NR5A1: variants seen among roughly 807,000 people sequenced by gnomAD.
NR5A1 encodes the protein steroidogenic factor 1.
In NR5A1, 6 loss-of-function variants were observed where a neutral mutation model predicts 42.7. The observed-to-expected ratio is 0.14, with a 90% confidence interval of 0.08 to 0.28. The LOEUF is 0.28. NR5A1 is among the 10% of genes least tolerant of loss of function. NR5A1 has a pLI of 1.00. For missense variants in NR5A1, 442 were observed against 626.4 expected (o/e 0.71, Z 3.14); for synonymous variants, 274 against 277.5 (o/e 0.99, Z 0.12).
chr9:124,503,519 G>A lies in NR5A1; in HGVS notation c.-15-109C>T, dbSNP rs1832500930. 1.2e-6 allele frequency: 1 copy of A among 859,954 alleles called. No homozygotes were observed. Among genetic ancestry groups the A allele is most frequent in the Admixed American group, 3.6e-5 (1 of 27,698 alleles). 53.3% of individuals were successfully genotyped at this position (859,954 alleles called of 1,614,324 possible). A position where few individuals can be genotyped will look rare whatever the true frequency, so the allele number is the denominator to read the frequency against. On this transcript the variant is annotated intron_variant, in intron 1 of 6. Transcript: ENST00000373588. The surrounding 1 kb of genome is among the most constrained non-coding windows in gnomAD (Gnocchi z 9.6). ...CGGCCCGTCGCGTAATCCCCTCTCT[G>A]TGCCCAGGCGCTGCCGCCGGCACCC...
chr9:124,507,028 G>A (rs1445884101), intron 1 of NR5A1: 1 of 152,690 alleles, frequency 6.5e-6, no homozygotes, highest in Non-Finnish European at 1.5e-5. Context: ...GGACCTCCAT[G>A]GGGCTTGTGG....
rs1204157322 is a variant in NR5A1, at chr9:124,493,141, G to A, written c.879C>T (p.Asp293=). 6.2e-7 allele frequency: 1 copy of A among 1,611,074 alleles called. No individual in the cohort carries two copies. The highest frequency in any genetic ancestry group is 8.5e-7 in the Non-Finnish European group (1 of 1,178,830). ...CMVFKELEVA[D]QMTLLQNCWS... ...AGCAGTTCTGCAGCAGCGTCATCTG[G>A]TCGGCCACCTGGAAGGAAGAGGCAC... The change falls in exon 5 of 7, where the codon GAC becomes GAT. Residue 293 remains aspartate, a synonymous_variant. Coordinates refer to ENST00000373588, the MANE Select transcript of NR5A1 (RefSeq NM_004959.5).
chr9:124,489,604 G>A (rs946450507), intron 6 of NR5A1, among the ~76,000 whole-genome samples: 2 of 152,190 alleles, frequency 1.3e-5, no homozygotes, highest in African/African-American at 4.8e-5. Context: ...CCAGTCTGCT[G>A]AGCCTGGCAG....
In NR5A1 at chr9:124,487,644, G is replaced by A. The variant is rs555326493; in HGVS notation, c.1138+3437C>T. ...TGAGCCGCAGGGCGGTGGGGCAGGT[G>A]GGGGAGCACAAGCACTCGTGGCCAG... On this transcript the variant is annotated intron_variant, in intron 6 of 6. Coordinates refer to ENST00000373588, the MANE Select transcript of NR5A1 (RefSeq NM_004959.5). 9.8e-5 allele frequency among the ~76,000 whole-genome samples: 15 copies of A among 152,356 alleles called. No homozygotes were observed. In the East Asian group the frequency reaches 2.5e-3, roughly 26 times the overall value.
At chr9:124,506,718 A>C (rs1832566149) in intron 1 of NR5A1, among the ~76,000 whole-genome samples, 1 of 151,740 alleles carries the variant, frequency 6.6e-6, no homozygotes, top group African/African-American at 2.4e-5. Flanking sequence ...CGAGGCACCC[A>C]CCCCCACAGG....
chr9:124,491,017 A>ACCCCCCCCCCCC, intron 6 of NR5A1, 64 bp downstream of exon 6: 1 of 457,440 alleles, frequency 2.2e-6, no homozygotes, highest in Non-Finnish European at 4.2e-6. Context: ...CTCCAGCCTC[A>ACCCCCCCCCCCC]CCCACCCTCC....
intron 6 of NR5A1, among the ~76,000 whole-genome samples, chr9:124,488,006 G>A (rs1471609416): frequency 6.6e-6 from 1 of 152,148 alleles, no homozygotes; most frequent in Non-Finnish European, 1.5e-5. Context: ...TCAAGGCTTT[G>A]CACAGCTCAG....
rs573756418 is a variant in NR5A1 at position 124,498,273 on chromosome 9, G to C, written c.870+1817C>G. On this transcript the variant is annotated intron_variant, in intron 4 of 6. Transcript: ENST00000373588. The surrounding 1 kb of genome is among the most constrained non-coding windows in gnomAD (Gnocchi z 4.6). Reference sequence around the variant, plus strand: ...GGAAAAGAACTTCCACATGGCTTACGAGAGGCGCTCTAAGGGCTGGGCTGG... The same window carrying C: ...GGAAAAGAACTTCCACATGGCTTACCAGAGGCGCTCTAAGGGCTGGGCTGG... Among the ~76,000 whole-genome samples, 1 of 152,206 alleles carries C rather than the reference G, an allele frequency of 6.6e-6. No individual in the cohort carries two copies. Among genetic ancestry groups the C allele is most frequent in the Non-Finnish European group, 1.5e-5 (1 of 68,046 alleles).
chr9:124,482,739 C>A lies in NR5A1; in HGVS notation c.*19G>T. The A allele has an allele frequency of 1.1e-6, 1 of 921,182 alleles. No individual in the cohort carries two copies. Among genetic ancestry groups the A allele is most frequent in the Non-Finnish European group, 1.5e-6 (1 of 651,876 alleles). The allele number at this position is 921,182 out of a possible 1,614,324, so 57.1% of individuals were successfully genotyped here. ...CCCCCAGTCCCGCCCCCAGTCCCGG[C>A]CCCGCCCCCGGCCCAGGCTCAAGTC... On this transcript the variant is annotated 3_prime_UTR_variant, in exon 7 of 7. Transcript: ENST00000373588.
Position 124,503,161 on chromosome 9 carries a change from G to T in NR5A1, c.162C>A (p.Ser54Arg), listed in dbSNP as rs759670090. 1.2e-5 allele frequency: 20 copies of T among 1,600,370 alleles called. No individual in the cohort carries two copies. Among genetic ancestry groups the T allele is most frequent in the Non-Finnish European group, 1.6e-5 (19 of 1,174,532 alleles). ...TGCGCTGCGTCTTGTCGATCTTGCA[G>T]CTCTGGCTCTCGGTGCACGTGTAGT... ...NKHYTCTESQSCKIDKTQRKR... is the reference protein window; with the variant it reads ...NKHYTCTESQRCKIDKTQRKR... The change falls in exon 3 of 7, where the codon AGC (serine) becomes AGA (arginine). Residue 54 changes from serine (S) to arginine (R), a missense_variant. Ser to Arg is a moderately radical substitution (Grantham distance 110). This residue lies in a region of NR5A1 where 71 missense variants were observed against 156.8 expected (regional missense o/e 0.45). Coordinates refer to ENST00000373588, the MANE Select transcript of NR5A1 (RefSeq NM_004959.5). The surrounding 1 kb of genome is among the most constrained non-coding windows in gnomAD (Gnocchi z 9.6).
Position 124,482,638 on chromosome 9 carries a change from C to A in NR5A1, c.*120G>T. On this transcript the variant is annotated 3_prime_UTR_variant, in exon 7 of 7. Coordinates refer to ENST00000373588, the MANE Select transcript of NR5A1 (RefSeq NM_004959.5). Reference sequence around the variant, plus strand: ...AGGGGCAGCGGCCTCTGGGACGGGGCTGGGGCTCCTCGGTGGGCATCAGAA... The same window carrying A: ...AGGGGCAGCGGCCTCTGGGACGGGGATGGGGCTCCTCGGTGGGCATCAGAA... 1 of 1,197,398 alleles carries A rather than the reference C, an allele frequency of 8.4e-7. No homozygotes were observed. The highest frequency in any genetic ancestry group is 1.2e-6 in the Non-Finnish European group (1 of 845,568). 74.2% of individuals were successfully genotyped at this position (1,197,398 alleles called of 1,614,324 possible). A position where few individuals can be genotyped will look rare whatever the true frequency, so the allele number is the denominator to read the frequency against.
chr9:124,491,015 T>TCCGC, intron 6 of NR5A1, 66 bp downstream of exon 6: 14 of 634,816 alleles, frequency 2.2e-5, no homozygotes, highest in Non-Finnish European at 3.9e-5. Flanking sequence ...CTCTCCAGCC[T>TCCGC]CACCCACCCT....
intron 5 of NR5A1, 38 bp downstream of exon 5, chr9:124,492,992 A>AGGGCGGGGCCCAG (rs1279895749): frequency 6.5e-7 from 1 of 1,540,730 alleles, no homozygotes; most frequent in Non-Finnish European, 8.7e-7. Context: ...CAGCGGGGCC[A>AGGGCGGGGCCCAG]GGGCGGGGCC....
chr9:124,504,258 G>A (rs1287875929), intron 1 of NR5A1, among the ~76,000 whole-genome samples: 4 of 152,130 alleles, frequency 2.6e-5, no homozygotes, highest in Admixed American at 2.0e-4. Flanking sequence ...AAAACCTGGA[G>A]GCGGAAGCGC....
At chr9:124,484,110 C>T (rs529581298) in intron 6 of NR5A1, among the ~76,000 whole-genome samples, 1 of 152,318 alleles carries the variant, frequency 6.6e-6, no homozygotes, top group South Asian at 2.1e-4. Context: ...AAGCGTTGAA[C>T]ATCTCATGGG....
Position 124,482,600 on chromosome 9 carries a change from AGT to A in NR5A1, c.*156_*157del. 1.2e-6 allele frequency: 1 copy of A among 844,914 alleles called. No homozygotes were observed. The highest frequency in any genetic ancestry group is 1.6e-5 in the South Asian group (1 of 61,310). The allele number at this position is 844,914 out of a possible 1,614,324, so 52.3% of individuals were successfully genotyped here. A position where few individuals can be genotyped will look rare whatever the true frequency, so the allele number is the denominator to read the frequency against. ...GCCTCACCCACCTTCCCAAACACAC[AGT>A]GTCAGAACTCAGGGGCAGCGGCCTC... On this transcript the variant is annotated 3_prime_UTR_variant, in exon 7 of 7. Transcript: ENST00000373588.
chr9:124,484,365 T>C (rs7855247), intron 6 of NR5A1, among the ~76,000 whole-genome samples: 62,129 of 152,044 alleles, frequency 0.41, 13,968 homozygotes, highest in Non-Finnish European at 0.52. Flanking sequence ...GCCCACACAA[T>C]GCAGGGCAAA....
At chr9:124,502,947 A>C (rs2131289483) in intron 3 of NR5A1, 132 bp downstream of exon 3, 230 of 1,136,458 alleles carry the variant, frequency 2.0e-4, no homozygotes, top group Middle Eastern at 3.1e-4. Flanking sequence ...TCTTGCAGCG[A>C]CTGGGCCCTA....
At chr9:124,487,915 T>A (rs1411462078) in intron 6 of NR5A1, among the ~76,000 whole-genome samples, 5 of 152,194 alleles carry the variant, frequency 3.3e-5, no homozygotes, top group African/African-American at 1.2e-4. Context: ...CATGCTGCAC[T>A]TAGAAGGGTC....
Sources: gnomAD v4.1 joint callset for allele counts (sites outside exome capture counted in the v4.1 genomes callset) on GRCh38, gnomAD v4.1.1 for gene constraint, gnomAD v4.1.1 regional missense constraint, Gnocchi (gnomAD v3.1) non-coding constraint, MANE v1.5 for transcripts, NCBI Gene and HGNC (gene_info 2026-07-23, HGNC 2026-07-21) for gene names.